The following C11orf16 variants were observed in gnomAD, a reference collection of about 807,000 sequenced individuals.
The protein encoded by C11orf16 is uncharacterized protein C11orf16.
Under a neutral mutation model 45.1 loss-of-function variants are expected in C11orf16, and 38 were observed. That is an observed-to-expected ratio of 0.84 (90% CI 0.65 to 1.10). The LOEUF (loss-of-function observed/expected upper bound fraction) is 1.10, where lower values mean the gene tolerates loss of function less well. C11orf16 is among the 50% of genes least tolerant of loss of function. C11orf16 has a pLI of 0.00. For missense variants in C11orf16, 583 were observed against 569.5 expected, an observed-to-expected ratio of 1.02 and a Z score of -0.24; for synonymous variants, 221 against 222.0, an observed-to-expected ratio of 1.00 and a Z score of 0.04.
chr11:8,932,291 C>A lies in C11orf16; in HGVS notation c.18G>T (p.Gly6=). Residue 6 remains glycine (G), a synonymous_variant, in exon 2 of 7, where the codon GGG becomes GGT. Coordinates refer to ENST00000326053, the MANE Select transcript of C11orf16 (RefSeq NM_020643.3). ...AGTATTTGAGCAAAGGCATCCTGGGCCCCGTGGAGGATTCCATGGCCTTCA... is the reference window on the plus strand; with the variant it reads ...AGTATTTGAGCAAAGGCATCCTGGGACCCGTGGAGGATTCCATGGCCTTCA... MESST[G]PRMPLLKYCS... 1.2e-6 allele frequency: 2 copies of A among 1,606,018 alleles called. No homozygotes were observed. Among genetic ancestry groups the A allele is most frequent in the Non-Finnish European group, 1.7e-6 (2 of 1,176,550 alleles).
chr11:8,932,076 C>A, intron 2 of C11orf16, 66 bp downstream of exon 2: 1 of 1,450,760 alleles, frequency 6.9e-7, no homozygotes, highest in South Asian at 1.4e-5. Flanking sequence ...GGTCTACCAC[C>A]AACAGCCAAG....
At chr11:8,920,813 G>C (rs1389171757) in intron 6 of C11orf16, among the ~76,000 whole-genome samples, 1 of 152,262 alleles carries the variant, frequency 6.6e-6, no homozygotes, top group East Asian at 1.9e-4. Context: ...GAGTGACAGA[G>C]TGAGATCCTG....
chr11:8,921,260 C>T, intron 6 of C11orf16, 34 bp downstream of exon 6: 2 of 1,579,872 alleles, frequency 1.3e-6, no homozygotes, highest in Non-Finnish European at 1.7e-6. Context: ...GTGAGGAGTC[C>T]TTAGGAAGCC....
At chr11:8,928,454 G>A (rs915390581) in intron 3 of C11orf16, among the ~76,000 whole-genome samples, 2 of 152,114 alleles carry the variant, frequency 1.3e-5, no homozygotes, top group African/African-American at 4.8e-5. Context: ...CCTTAGGCTA[G>A]TGTTCATTCA....
intron 5 of C11orf16, among the ~76,000 whole-genome samples, chr11:8,923,615 T>C (rs1270461402): frequency 3.3e-5 from 5 of 152,198 alleles, no homozygotes; most frequent in African/African-American, 9.6e-5. Flanking sequence ...CCGGCATTTC[T>C]TTCTTTTCTT....
rs2064559280 is a variant in C11orf16, at chr11:8,920,152, G to GAGTGGCTGTGGAC, written c.*308_*320dup. On this transcript the variant is annotated 3_prime_UTR_variant, in exon 7 of 7. Transcript: ENST00000326053. ...AACTAGGCTTTATGGGAAGGTGGCA[G>GAGTGGCTGTGGAC]AGTGGCTGTGGACACATTTGCCCAA... 2.9e-6 allele frequency: 1 copy of GAGTGGCTGTGGAC among 347,742 alleles called. No homozygotes were observed. Among genetic ancestry groups the GAGTGGCTGTGGAC allele is most frequent in the South Asian group, 1.5e-4 (1 of 6,870 alleles). The allele number at this position is 347,742 out of a possible 1,614,324, so 21.5% of individuals were successfully genotyped here.
Position 8,925,662 on chromosome 11 carries a change from A to C in C11orf16, c.1005T>G (p.Ser335=). The change falls in exon 5 of 7, where the codon TCT becomes TCG. Residue 335 remains serine, a synonymous_variant. Transcript: ENST00000326053. ...KVAMHAPLAV[S]SSSSSSCEQD... Reference sequence around the variant, plus strand: ...GTTCACAGGAGGAGGATGAGGAGGAAGAAACAGCCAGGGGAGCGTGCATTG... The same window carrying C: ...GTTCACAGGAGGAGGATGAGGAGGACGAAACAGCCAGGGGAGCGTGCATTG... 6.2e-7 allele frequency: 1 copy of C among 1,614,256 alleles called. No homozygotes were observed. Among genetic ancestry groups the C allele is most frequent in the Non-Finnish European group, 8.5e-7 (1 of 1,180,048 alleles).
chr11:8,924,525 C>T (rs1193307804), intron 5 of C11orf16, among the ~76,000 whole-genome samples: 5 of 141,428 alleles, frequency 3.5e-5, no homozygotes, highest in African/African-American at 1.4e-4. Flanking sequence ...GACTCTTTGT[C>T]TCAAAACAAC....
At chr11:8,928,466 C>T (rs1359543465) in intron 3 of C11orf16, among the ~76,000 whole-genome samples, 1 of 152,100 alleles carries the variant, frequency 6.6e-6, no homozygotes, top group Non-Finnish European at 1.5e-5. Flanking sequence ...GTTCATTCAA[C>T]ACACTGAATT....
At chr11:8,926,832 A>T in intron 4 of C11orf16, 108 bp downstream of exon 4, 2 of 801,668 alleles carry the variant, frequency 2.5e-6, no homozygotes, top group Non-Finnish European at 4.0e-6. Flanking sequence ...TTCTCTTCTT[A>T]ATGCCTTAGA....
intron 5 of C11orf16, among the ~76,000 whole-genome samples, chr11:8,924,319 G>C (rs935216610): frequency 6.6e-5 from 10 of 152,114 alleles, no homozygotes; most frequent in Non-Finnish European, 8.8e-5. Flanking sequence ...TAGGCCAGGG[G>C]TTCGAGACCT....
chr11:8,922,985 C>T lies in C11orf16; in HGVS notation c.1205-1470G>A, dbSNP rs2134830997. Among the ~76,000 whole-genome samples, 2 of 152,264 alleles carry T rather than the reference C, an allele frequency of 1.3e-5. 1 individual carries two copies. The highest frequency in any genetic ancestry group is 4.1e-4 in the South Asian group (2 of 4,824). On this transcript the variant is annotated intron_variant, in intron 5 of 6. Coordinates refer to ENST00000326053, the MANE Select transcript of C11orf16 (RefSeq NM_020643.3). ...TACTGATGATGCTCATGGGTCAGCCCCAGGAACTTTCCCTAGAGCATAACA... is the reference window on the plus strand; with the variant it reads ...TACTGATGATGCTCATGGGTCAGCCTCAGGAACTTTCCCTAGAGCATAACA...
intron 3 of C11orf16, 187 bp from the exon 4 acceptor site, chr11:8,927,361 G>A: frequency 1.7e-6 from 1 of 602,766 alleles, no homozygotes; most frequent in Admixed American, 2.8e-5. Context: ...CAGGCTGTGT[G>A]GCACGGTTGT....
At position 8,926,116 on chromosome 11, in the gene C11orf16, C is replaced by CA; in HGVS notation, c.560-10dup. ...TTCTTTTTCCTTTGATGCTACATAA[C>CA]AAAAAATGGCAACATTTTGTTATAA... On this transcript the variant is annotated splice_polypyrimidine_tract_variant and intron_variant, in intron 4 of 6. Coordinates refer to ENST00000326053, the MANE Select transcript of C11orf16 (RefSeq NM_020643.3). 1 of 1,541,860 alleles carries CA rather than the reference C, an allele frequency of 6.5e-7. No individual in the cohort carries two copies. The highest frequency in any genetic ancestry group is 8.7e-7 in the Non-Finnish European group (1 of 1,144,198).
At chr11:8,931,908 A>G (rs1480933763) in intron 2 of C11orf16, among the ~76,000 whole-genome samples, 5 of 152,212 alleles carry the variant, frequency 3.3e-5, no homozygotes, top group Admixed American at 1.3e-4. Context: ...ACTCATGCCA[A>G]CTGCAGCATC....
At chr11:8,923,644 CAG>C (rs1474538230) in intron 5 of C11orf16, among the ~76,000 whole-genome samples, 1 of 151,990 alleles carries the variant, frequency 6.6e-6, no homozygotes, top group South Asian at 2.1e-4. Flanking sequence ...TTTTTGCAGA[CAG>C]AGTCTCGCTG....
chr11:8,924,888 G>A (rs2064599354), intron 5 of C11orf16, among the ~76,000 whole-genome samples: 1 of 152,216 alleles, frequency 6.6e-6, no homozygotes, highest in Admixed American at 6.5e-5. Flanking sequence ...CTCAGCTGGA[G>A]GCGATGCAGT....
chr11:8,926,183 T>TTA, intron 4 of C11orf16, 76 bp from the exon 5 acceptor site: 185 of 1,228,798 alleles, frequency 1.5e-4, no homozygotes, highest in Middle Eastern at 2.9e-4. Context: ...TTTTTTTCTT[T>TTA]TCTTTTTTTT....
At chr11:8,923,932 C>G (rs1038790762) in intron 5 of C11orf16, among the ~76,000 whole-genome samples, 1 of 149,744 alleles carries the variant, frequency 6.7e-6, no homozygotes, top group African/African-American at 2.5e-5. Flanking sequence ...TGGCTGCTGC[C>G]AAGGCTTGCC....
Sources: gnomAD v4.1 joint callset for allele counts (sites outside exome capture counted in the v4.1 genomes callset) on GRCh38, gnomAD v4.1.1 for gene constraint, MANE v1.5 for transcripts, NCBI Gene and HGNC (gene_info 2026-07-23, HGNC 2026-07-21) for gene names.